The following NELFB variants were observed in gnomAD, a reference collection of about 807,000 sequenced individuals.
The protein encoded by NELFB is negative elongation factor B.
NELFB carries 34 observed loss-of-function variants against 60.2 expected under a neutral mutation model. The ratio of observed to expected loss-of-function variants is 0.56; its 90% CI spans 0.43 to 0.75. The LOEUF (loss-of-function observed/expected upper bound fraction) is 0.75, where lower values mean the gene tolerates loss of function less well. Among genes scored for constraint, NELFB ranks in the 30% least tolerant of loss-of-function variants. The pLI, the probability that NELFB is intolerant of heterozygous loss-of-function variation, is 0.00. For synonymous variants in NELFB, 459 were observed against 382.1 expected (o/e 1.20, Z -2.35); for missense variants, 770 against 831.6 (o/e 0.93, Z 0.91).
chr9:137,259,116 C>T (rs1170760126), intron 4 of NELFB, among the ~76,000 whole-genome samples: 2 of 152,058 alleles, frequency 1.3e-5, no homozygotes, highest in East Asian at 1.9e-4. Context: ...GCTTAGGCCT[C>T]GGATATTGAG....
chr9:137,255,998 T>C lies in NELFB; in HGVS notation c.338T>C (p.Val113Ala), dbSNP rs1335370233. The C allele has an allele frequency of 6.2e-7, 1 of 1,613,870 alleles. No individual in the cohort carries two copies. The highest frequency in any genetic ancestry group is 1.3e-5 in the African/African-American group (1 of 75,032). The change falls in exon 2 of 13, where the codon GTA becomes GCA. Residue 113 changes from valine to alanine, a missense_variant. By Grantham distance (64) the Val-to-Ala change is moderately conservative. Coordinates refer to ENST00000343053, the MANE Select transcript of NELFB (RefSeq NM_015456.5). ...CCGCGGCTGGAGTTCCACCAGTCGG[T>C]ATTCGATGAGCTGCGGGACAAGCTG...
chr9:137,263,044 A>G lies in NELFB; in HGVS notation c.749A>G (p.Gln250Arg). ...CAGTGCCTCTTGCTGCAGGTGGTGCAGCGGCTGACGCGGATGGTGGGGAAG... is the reference window on the plus strand; with the variant it reads ...CAGTGCCTCTTGCTGCAGGTGGTGCGGCGGCTGACGCGGATGGTGGGGAAG... Residue 250 changes from glutamine to arginine, a missense_variant, in exon 5 of 13, where the codon CAG (glutamine) becomes CGG (arginine). Coordinates refer to ENST00000343053, the MANE Select transcript of NELFB (RefSeq NM_015456.5). 6.2e-7 allele frequency: 1 copy of G among 1,611,888 alleles called. No individual in the cohort carries two copies. The highest frequency in any genetic ancestry group is 8.5e-7 in the Non-Finnish European group (1 of 1,178,222).
intron 7 of NELFB, 144 bp downstream of exon 7, chr9:137,266,123 G>A (rs1830514970): frequency 5.1e-6 from 4 of 784,046 alleles, no homozygotes; most frequent in Non-Finnish European, 8.3e-6. Flanking sequence ...TCTGGTGGTC[G>A]GGGATGTGGA....
In NELFB at chr9:137,263,233, C is replaced by T; in HGVS notation, c.927+11C>T. 6.3e-7 allele frequency: 1 copy of T among 1,597,786 alleles called. No individual in the cohort carries two copies. The highest frequency in any genetic ancestry group is 8.5e-7 in the Non-Finnish European group (1 of 1,169,754). On this transcript the variant is annotated intron_variant, in intron 5 of 12. Transcript: ENST00000343053. ...GACCCGTGCCACAAGGTAGCACTGC[C>T]CTCCCTCCTTCCCCCCTACCCTCCT...
rs1383591385 is a variant in NELFB at position 137,267,262 on chromosome 9, G to C, written c.1405G>C (p.Ala469Pro). The C allele has an allele frequency of 6.2e-7, 1 of 1,613,418 alleles. No individual in the cohort carries two copies. The highest frequency in any genetic ancestry group is 1.1e-5 in the South Asian group (1 of 91,074). ...CAGGTTTCTGCAGGAGCAGCGCATG[G>C]CCTGCGAGGTGGGGCTGTACTACGT... Residue 469 changes from alanine (A) to proline (P), a missense_variant, in exon 10 of 13, where the codon GCC becomes CCC. By Grantham distance (27) the Ala-to-Pro change is conservative (BLOSUM62 -1). Transcript: ENST00000343053.
intron 10 of NELFB, among the ~76,000 whole-genome samples, chr9:137,270,660 C>T (rs1830573657): frequency 6.6e-6 from 1 of 151,956 alleles, no homozygotes; most frequent in East Asian, 1.9e-4. Flanking sequence ...GGTGGCTCAC[C>T]TTGTAATCCC....
intron 5 of NELFB, among the ~76,000 whole-genome samples, 184 bp downstream of exon 5, chr9:137,263,406 C>A (rs1481223350): frequency 1.1e-5 from 1 of 94,738 alleles, no homozygotes; most frequent in Non-Finnish European, 2.1e-5. Flanking sequence ...CCTCCCCCTC[C>A]GCCCTCCTGA....
rs77836500 is a variant in NELFB, at chr9:137,267,030, G to C, written c.1326G>C (p.Pro442=). 7 of 1,614,100 alleles carry C rather than the reference G, an allele frequency of 4.3e-6. No individual in the cohort carries two copies. The highest frequency in any genetic ancestry group is 1.1e-5 in the South Asian group (1 of 91,090). ...CTTTCAATGTGGATCAGAAACTTCC[G>C]GCTGAGGAGAAAGCCCCAGTCTCAT... Residue 442 remains proline, a synonymous_variant, in exon 9 of 13, where the codon CCG becomes CCC. Coordinates refer to ENST00000343053, the MANE Select transcript of NELFB (RefSeq NM_015456.5).
chr9:137,261,489 C>CT (rs1171833498), intron 4 of NELFB, among the ~76,000 whole-genome samples: 2 of 151,902 alleles, frequency 1.3e-5, no homozygotes, highest in East Asian at 3.9e-4. Flanking sequence ...GAAACCCCGT[C>CT]TCTACTACAA....
chr9:137,258,777 T>C (rs1324828859), intron 4 of NELFB, among the ~76,000 whole-genome samples: 1 of 152,088 alleles, frequency 6.6e-6, no homozygotes, highest in African/African-American at 2.4e-5. Context: ...AAACTAGCAC[T>C]GTTCAGTGGA....
chr9:137,265,387 CT>C (rs66744887), intron 6 of NELFB, among the ~76,000 whole-genome samples: 10,503 of 91,320 alleles, frequency 0.12, 426 homozygotes, highest in East Asian at 0.44. Context: ...AAACCTTAAG[CT>C]TTTTTTTTTT....
intron 4 of NELFB, among the ~76,000 whole-genome samples, chr9:137,261,850 G>A (rs1830450764): frequency 6.6e-6 from 1 of 151,770 alleles, no homozygotes; most frequent in Non-Finnish European, 1.5e-5. Flanking sequence ...ATGTCAGGCT[G>A]CGCTGATATT....
chr9:137,260,109 G>A (rs1469484386), intron 4 of NELFB, among the ~76,000 whole-genome samples: 2 of 149,012 alleles, frequency 1.3e-5, no homozygotes, highest in Non-Finnish European at 3.0e-5. Context: ...GAGTGCAGTG[G>A]TGCAATCTCG....
Position 137,266,117 on chromosome 9 carries a change from G to A in NELFB, c.1143+138G>A. On this transcript the variant is annotated intron_variant, in intron 7 of 12. Transcript: ENST00000343053. ...TGTGGCCGCCCTGCTGGCTGCTCTG[G>A]TGGTCGGGGATGTGGACTGCAGTGG... 4 of 797,078 alleles carry A rather than the reference G, an allele frequency of 5.0e-6. No homozygotes were observed. The South Asian group carries it at 6.5e-5, about 13-fold the overall frequency. 49.4% of individuals were successfully genotyped at this position (797,078 alleles called of 1,614,324 possible).
At chr9:137,271,099 GC>G (rs1222755383) in intron 10 of NELFB, among the ~76,000 whole-genome samples, 2 of 152,236 alleles carry the variant, frequency 1.3e-5, no homozygotes, top group African/African-American at 4.8e-5. Flanking sequence ...CTCCTGTCTC[GC>G]AGTCTTGGGT....
intron 4 of NELFB, among the ~76,000 whole-genome samples, chr9:137,258,874 G>T (rs1329108201): frequency 6.6e-6 from 1 of 152,196 alleles, no homozygotes; most frequent in Non-Finnish European, 1.5e-5. Flanking sequence ...CTTTGGTCCA[G>T]TATATCCAAA....
Position 137,266,834 on chromosome 9 carries a change from G to A in NELFB, c.1240-110G>A, listed in dbSNP as rs915168689. Reference sequence around the variant, plus strand: ...GGGGACCTGGAGAGGAGGGAGGGTCGGTGAGGTATCTGGGGGAGTGGGAGG... The same window carrying A: ...GGGGACCTGGAGAGGAGGGAGGGTCAGTGAGGTATCTGGGGGAGTGGGAGG... On this transcript the variant is annotated intron_variant, in intron 8 of 12. Transcript: ENST00000343053. The A allele has an allele frequency of 2.6e-5, 34 of 1,318,754 alleles. No individual in the cohort carries two copies. In the East Asian group the frequency reaches 3.3e-4, roughly 13 times the overall value. 81.7% of individuals were successfully genotyped at this position (1,318,754 alleles called of 1,614,324 possible).
intron 4 of NELFB, among the ~76,000 whole-genome samples, chr9:137,257,360 G>A (rs1265622389): frequency 1.3e-5 from 2 of 152,148 alleles, no homozygotes; most frequent in East Asian, 3.9e-4. Context: ...ACGGAGTCTC[G>A]CTCTGTTGCC....
At chr9:137,260,943 C>T (rs557004682) in intron 4 of NELFB, among the ~76,000 whole-genome samples, 46 of 151,612 alleles carry the variant, frequency 3.0e-4, no homozygotes, top group African/African-American at 1.0e-3. Context: ...CCTGTAGTCC[C>T]AGCTACTCAG....
Sources: gnomAD v4.1 joint callset for allele counts (sites outside exome capture counted in the v4.1 genomes callset) on GRCh38, gnomAD v4.1.1 for gene constraint, MANE v1.5 for transcripts, NCBI Gene and HGNC (gene_info 2026-07-23, HGNC 2026-07-21) for gene names.